RBMS1: variants seen among roughly 807,000 people sequenced by gnomAD.
The protein encoded by RBMS1 is RNA-binding motif, single-stranded-interacting protein 1.
A neutral mutation model predicts 62.3 loss-of-function variants in RBMS1; 17 were observed. The observed-to-expected ratio is 0.27, with a 90% CI of 0.19 to 0.41. The LOEUF is 0.41. RBMS1 is among the 10% of genes least tolerant of loss of function. RBMS1 has a pLI of 1.00. For missense variants in RBMS1, 334 were observed against 504.5 expected (o/e 0.66, Z 3.24); for synonymous variants, 172 against 170.0 (o/e 1.01, Z -0.09).
chr2:160,390,354 T>C (rs547872674), intron 1 of RBMS1, among the ~76,000 whole-genome samples: 1 of 152,134 alleles, frequency 6.6e-6, no homozygotes, highest in Admixed American at 6.5e-5. Context: ...CCAGTTGTGA[T>C]AGCCTAACAA....
chr2:160,292,917 C>T lies in RBMS1; in HGVS notation c.641-5833G>A, dbSNP rs571147430. 7.9e-5 allele frequency among the ~76,000 whole-genome samples: 12 copies of T among 152,298 alleles called. No individual in the cohort carries two copies. In the South Asian group the frequency reaches 1.2e-3, roughly 16 times the overall value. On this transcript the variant is annotated intron_variant, in intron 6 of 13. Transcript: ENST00000348849. ...AATTTGAATTCTGGATCTGCAAGAC[C>T]GCCCTTGCCCCACTGGCCACCTAGG...
chr2:160,390,242 A>AG (rs962067488), intron 1 of RBMS1, among the ~76,000 whole-genome samples: 4 of 152,220 alleles, frequency 2.6e-5, no homozygotes, highest in African/African-American at 9.6e-5. Flanking sequence ...CAGGAACTTT[A>AG]GGAAAAAAAA....
intron 1 of RBMS1, among the ~76,000 whole-genome samples, chr2:160,371,109 T>G (rs73002635): frequency 1.3e-4 from 20 of 152,208 alleles, no homozygotes; most frequent in Non-Finnish European, 2.5e-4. Flanking sequence ...CCCTCATTCA[T>G]AGATTAAAAT....
At chr2:160,287,190 TACA>T (rs1688444945) in intron 6 of RBMS1, 106 bp from the exon 7 acceptor site, 1 of 1,460,274 alleles carries the variant, frequency 6.8e-7, no homozygotes, top group African/African-American at 1.4e-5. Flanking sequence ...AGAAAATTCA[TACA>T]ACACTTTAAG....
intron 2 of RBMS1, among the ~76,000 whole-genome samples, chr2:160,362,679 T>C (rs1573933945): frequency 6.6e-6 from 1 of 152,158 alleles, no homozygotes; most frequent in African/African-American, 2.4e-5. Context: ...TAGTGAAAAT[T>C]ACCAAAATGT....
At chr2:160,342,424 TCAGA>T (rs981616319) in intron 2 of RBMS1, among the ~76,000 whole-genome samples, 19 of 152,118 alleles carry the variant, frequency 1.2e-4, no homozygotes, top group African/African-American at 4.6e-4. Context: ...ATTCTAGAGG[TCAGA>T]CAGACACTCA....
chr2:160,430,222 G>T (rs890236854), intron 1 of RBMS1, among the ~76,000 whole-genome samples: 2 of 152,154 alleles, frequency 1.3e-5, no homozygotes, highest in Admixed American at 1.3e-4. Context: ...CCAGGAAAAT[G>T]CAAAATTTTA....
At chr2:160,490,641 A>G (rs2442) in intron 1 of RBMS1, among the ~76,000 whole-genome samples, 33,431 of 152,078 alleles carry the variant, frequency 0.22, 4,277 homozygotes, top group Admixed American at 0.37. Flanking sequence ...AATAGACTGG[A>G]TCACTAAAAC....
chr2:160,300,185 T>C (rs1689135898), intron 6 of RBMS1, among the ~76,000 whole-genome samples: 1 of 152,100 alleles, frequency 6.6e-6, no homozygotes, highest in African/African-American at 2.4e-5. Context: ...AGTGTGACAT[T>C]GGAATGAAAA....
At chr2:160,450,375 T>A (rs1447559874) in intron 1 of RBMS1, among the ~76,000 whole-genome samples, 1 of 151,902 alleles carries the variant, frequency 6.6e-6, no homozygotes, top group Non-Finnish European at 1.5e-5. Context: ...ACCCCATCTC[T>A]ACTAAATACA....
At chr2:160,446,363 AG>A (rs1683646037) in intron 1 of RBMS1, among the ~76,000 whole-genome samples, 1 of 151,894 alleles carries the variant, frequency 6.6e-6, no homozygotes, top group Admixed American at 6.6e-5. Flanking sequence ...ATTATGACAA[AG>A]CTCTTCCTTA....
At chr2:160,294,017 A>G (rs1235604835) in intron 6 of RBMS1, among the ~76,000 whole-genome samples, 1 of 152,224 alleles carries the variant, frequency 6.6e-6, no homozygotes, top group Non-Finnish European at 1.5e-5. Flanking sequence ...GGTTGTGGAA[A>G]AACTCGATGG....
rs1687694680 is a variant in RBMS1 at position 160,273,891 on chromosome 2, AAT to A, written c.*879_*880del. ...TACAGCCTTACAAACAATTTACCCT[AAT>A]AAAAGTTCCCCAGTCAGAAAATGTG... On this transcript the variant is annotated 3_prime_UTR_variant, in exon 14 of 14. Transcript: ENST00000348849. The A allele has an allele frequency of 2.0e-5, 3 of 152,558 alleles. No individual in the cohort carries two copies. In the South Asian group the frequency reaches 6.2e-4, roughly 32 times the overall value. 9.5% of individuals were successfully genotyped at this position (152,558 alleles called of 1,614,324 possible).
chr2:160,280,205 T>C (rs566182677), intron 10 of RBMS1, among the ~76,000 whole-genome samples: 2 of 152,316 alleles, frequency 1.3e-5, no homozygotes, highest in East Asian at 1.9e-4. Context: ...CAGATTGCTA[T>C]GGGCATGTGT....
chr2:160,411,365 T>C (rs1204882242), intron 1 of RBMS1, among the ~76,000 whole-genome samples: 1 of 152,084 alleles, frequency 6.6e-6, no homozygotes. Flanking sequence ...AAGCAGAAAC[T>C]ATGAGTAAAC....
intron 1 of RBMS1, among the ~76,000 whole-genome samples, chr2:160,391,921 C>G (rs1023794682): frequency 5.3e-5 from 8 of 151,786 alleles, no homozygotes; most frequent in Non-Finnish European, 1.2e-4. Flanking sequence ...GATCGCACCA[C>G]TGCACTACAG....
intron 9 of RBMS1, chr2:160,282,211 G>A (rs1313782897): frequency 1.5e-6 from 2 of 1,353,480 alleles, no homozygotes; most frequent in Non-Finnish European, 2.0e-6. Context: ...GTTCAACAGA[G>A]AGGATATGGG....
At chr2:160,488,989 C>G (rs1685714827) in intron 1 of RBMS1, among the ~76,000 whole-genome samples, 1 of 152,146 alleles carries the variant, frequency 6.6e-6, no homozygotes, top group Non-Finnish European at 1.5e-5. Context: ...AATTTAAACT[C>G]AAAGCCAAGA....
At chr2:160,308,397 A>AAAAAC (rs530401245) in intron 4 of RBMS1, among the ~76,000 whole-genome samples, 2,004 of 152,012 alleles carry the variant, frequency 0.013, 14 homozygotes, top group South Asian at 0.026. Context: ...TCTGGTCTCA[A>AAAAAC]AAAACAAAAC....
Sources: gnomAD v4.1 joint callset for allele counts (sites outside exome capture counted in the v4.1 genomes callset) on GRCh38, gnomAD v4.1.1 for gene constraint, MANE v1.5 for transcripts, NCBI Gene and HGNC (gene_info 2026-07-23, HGNC 2026-07-21) for gene names.